ATP7B: variants seen among roughly 807,000 people sequenced by gnomAD.
The protein encoded by ATP7B is ATPase copper transporting beta.
Under a neutral mutation model 118.9 loss-of-function variants are expected in ATP7B, and 113 were observed. The ratio of observed to expected loss-of-function variants is 0.95; its 90% CI spans 0.82 to 1.11. The LOEUF is 1.11. Among genes scored for constraint, ATP7B ranks in the 50% most tolerant of loss-of-function variants. The probability of loss-of-function intolerance (pLI) is 0.00; values close to 1 mark genes in which losing one functional copy is unlikely to be tolerated. For missense variants in ATP7B, 1,867 were observed against 1,871.4 expected (o/e 1.00, Z 0.04); for synonymous variants, 777 against 727.4 (o/e 1.07, Z -1.10).
chr13:51,980,773 C>T (rs1478329273), intron 1 of ATP7B, among the ~76,000 whole-genome samples: 1 of 152,098 alleles, frequency 6.6e-6, no homozygotes, highest in Non-Finnish European at 1.5e-5. Flanking sequence ...AATAGGATAC[C>T]AGTCAGTCCC....
chr13:51,962,783 G>A (rs1958835132), intron 5 of ATP7B, among the ~76,000 whole-genome samples: 1 of 152,144 alleles, frequency 6.6e-6, no homozygotes, highest in Non-Finnish European at 1.5e-5. Flanking sequence ...ATAGAAGCAA[G>A]TGAGGTATCA....
intron 1 of ATP7B, among the ~76,000 whole-genome samples, chr13:51,991,384 T>C (rs1593843169): frequency 6.6e-6 from 1 of 151,554 alleles, no homozygotes; most frequent in Non-Finnish European, 1.5e-5. Context: ...GAGGCTAGGG[T>C]GGGAGGATCA....
At chr13:52,000,727 A>G (rs956909405) in intron 1 of ATP7B, among the ~76,000 whole-genome samples, 1 of 152,182 alleles carries the variant, frequency 6.6e-6, no homozygotes, top group African/African-American at 2.4e-5. Context: ...CCTCTTTGAT[A>G]AGAATAATCT....
chr13:52,005,372 A>G (rs1374121125), intron 1 of ATP7B, among the ~76,000 whole-genome samples: 1 of 152,240 alleles, frequency 6.6e-6, no homozygotes, highest in Non-Finnish European at 1.5e-5. Context: ...CAAATATCCT[A>G]GTTCATCACT....
chr13:51,967,956 TGAGTGTTGTG>T (rs1425382739), intron 4 of ATP7B, among the ~76,000 whole-genome samples: 9 of 152,230 alleles, frequency 5.9e-5, no homozygotes, highest in African/African-American at 1.9e-4. Context: ...CCCCTCAGAC[TGAGTGTTGTG>T]GAGCACTTTG....
At chr13:51,988,849 T>G (rs2140336551) in intron 1 of ATP7B, among the ~76,000 whole-genome samples, 1 of 122,076 alleles carries the variant, frequency 8.2e-6, no homozygotes, top group South Asian at 2.7e-4. Flanking sequence ...AAGTGGGAGC[T>G]AAACAATGAG....
chr13:51,966,822 A>C (rs1951573444), intron 4 of ATP7B: 1 of 1,613,202 alleles, frequency 6.2e-7, no homozygotes, highest in Non-Finnish European at 8.5e-7. Context: ...AGGAGCTAGG[A>C]GTGGGAATAG....
intron 1 of ATP7B, among the ~76,000 whole-genome samples, chr13:51,982,429 T>C (rs1003464880): frequency 8.5e-5 from 13 of 152,174 alleles, no homozygotes; most frequent in Non-Finnish European, 1.9e-4. Context: ...ACAGGGCACA[T>C]GTATGCTTTT....
intron 2 of ATP7B, among the ~76,000 whole-genome samples, chr13:51,971,590 T>C (rs1034134468): frequency 1.3e-5 from 2 of 152,242 alleles, no homozygotes; most frequent in African/African-American, 4.8e-5. Flanking sequence ...AGGCAGATGT[T>C]TACCTTATAC....
chr13:51,967,045 G>T (rs1255399577), intron 4 of ATP7B: 2 of 1,609,336 alleles, frequency 1.2e-6, no homozygotes, highest in Non-Finnish European at 1.7e-6. Context: ...GGAGTGGGAT[G>T]GGAAGGAAAG....
At chr13:51,969,024 C>T (rs1418156245) in intron 3 of ATP7B, among the ~76,000 whole-genome samples, 2 of 151,302 alleles carry the variant, frequency 1.3e-5, no homozygotes, top group East Asian at 3.9e-4. Flanking sequence ...CCATGCCCAG[C>T]TAATTTTTGT....
chr13:51,980,092 G>GA (rs1178711941), intron 1 of ATP7B, among the ~76,000 whole-genome samples: 2 of 152,112 alleles, frequency 1.3e-5, no homozygotes, highest in African/African-American at 4.8e-5. Context: ...ATCCTTGGGG[G>GA]AAAAAACTCT....
chr13:51,958,910 A>G lies in ATP7B; in HGVS notation c.2122-366T>C, dbSNP rs74087013. ...TATCTATAACCCACTGGCATAAAAG[A>G]TGTCTAATACATAGTTAAGTGAAAA... On this transcript the variant is annotated intron_variant, in intron 7 of 20. Transcript: ENST00000242839. 934 of 316,588 alleles carry G rather than the reference A, an allele frequency of 3.0e-3. 7 individuals carry two copies. Among genetic ancestry groups the G allele is most frequent in the African/African-American group, 0.019 (883 of 47,028 alleles). The allele number at this position is 316,588 out of a possible 1,614,324, so 19.6% of individuals were successfully genotyped here. A position where few individuals can be genotyped will look rare whatever the true frequency, so the allele number is the denominator to read the frequency against.
intron 9 of ATP7B, among the ~76,000 whole-genome samples, chr13:51,954,029 C>G (rs1021559530): frequency 6.6e-6 from 1 of 152,112 alleles, no homozygotes; most frequent in African/African-American, 2.4e-5. Flanking sequence ...CCCAGGGTGG[C>G]TGAGGCACAG....
At chr13:51,997,674 C>A (rs937196312) in intron 1 of ATP7B, among the ~76,000 whole-genome samples, 3 of 152,088 alleles carry the variant, frequency 2.0e-5, no homozygotes, top group African/African-American at 7.2e-5. Flanking sequence ...ACAGTTTGGG[C>A]AGAAACAAGA....
At chr13:51,952,884 C>T (rs1308848681) in intron 9 of ATP7B, among the ~76,000 whole-genome samples, 1 of 152,072 alleles carries the variant, frequency 6.6e-6, no homozygotes, top group Admixed American at 6.6e-5. Flanking sequence ...TATTGATTGG[C>T]CTCTTGTGTA....
At chr13:51,993,034 C>G (rs1192080866) in intron 1 of ATP7B, among the ~76,000 whole-genome samples, 3 of 129,188 alleles carry the variant, frequency 2.3e-5, no homozygotes, top group Admixed American at 2.3e-4. Context: ...TATTGACATA[C>G]AGAAATGTCC....
chr13:51,958,196 C>A, intron 8 of ATP7B, 115 bp downstream of exon 8: 1 of 1,255,656 alleles, frequency 8.0e-7, no homozygotes, highest in Non-Finnish European at 1.1e-6. Context: ...TTTCCTATTT[C>A]TTTAAGTCTG....
chr13:51,973,122 C>T (rs74087032), intron 2 of ATP7B, among the ~76,000 whole-genome samples: 1,533 of 152,278 alleles, frequency 0.01, 28 homozygotes, highest in African/African-American at 0.035. Flanking sequence ...TAAATCCTTT[C>T]CTTAACTCTC....
Sources: allele counts gnomAD v4.1 joint callset (sites outside exome capture counted in the v4.1 genomes callset), GRCh38; gene constraint gnomAD v4.1.1; transcripts MANE v1.5; gene names NCBI Gene and HGNC (gene_info 2026-07-23, HGNC 2026-07-21).